VPS54: variants seen among roughly 807,000 people sequenced by gnomAD.
VPS54 encodes vacuolar protein sorting-associated protein 54.
A neutral mutation model predicts 121.5 loss-of-function variants in VPS54; 45 were observed. That is an observed-to-expected ratio of 0.37 (90% confidence interval 0.29 to 0.47). VPS54 has a LOEUF of 0.47. Ranked by LOEUF, VPS54 falls within the 20% of genes least tolerant of loss-of-function variation. The probability of loss-of-function intolerance (pLI) is 0.99; values close to 1 mark genes in which losing one functional copy is unlikely to be tolerated. For missense variants in VPS54, 1,090 were observed against 1,131.4 expected, an observed-to-expected ratio of 0.96 and a Z score of 0.52; for synonymous variants, 371 against 385.8, an observed-to-expected ratio of 0.96 and a Z score of 0.45.
intron 1 of VPS54, among the ~76,000 whole-genome samples, chr2:64,010,744 A>G (rs1048728444): frequency 2.6e-5 from 4 of 151,910 alleles, no homozygotes; most frequent in Non-Finnish European, 4.4e-5. Context: ...TGCGTATCAC[A>G]TATTATTGCT....
chr2:63,980,115 C>T (rs1187548182), intron 3 of VPS54, among the ~76,000 whole-genome samples: 1 of 152,152 alleles, frequency 6.6e-6, no homozygotes, highest in African/African-American at 2.4e-5. Flanking sequence ...GCTTCTGCTT[C>T]ACATGTTTTG....
In VPS54 at chr2:63,980,833, T is replaced by C. The variant is rs77908501; in HGVS notation, c.378+813A>G. Among the ~76,000 whole-genome samples the C allele has an allele frequency of 4.1e-3, 625 of 152,124 alleles. 6 individuals are homozygous for C. The highest frequency in any genetic ancestry group is 0.014 in the African/African-American group (574 of 41,540). On this transcript the variant is annotated intron_variant, in intron 3 of 22. Coordinates refer to ENST00000272322, the MANE Select transcript of VPS54 (RefSeq NM_016516.3). ...TAGATCTGATCATTGAAAACAGTTT[T>C]TGTGTTGTTTTCAATGATCAGATCT...
At chr2:63,933,551 T>C (rs1394900608) in intron 12 of VPS54, 122 bp downstream of exon 12, 2 of 830,554 alleles carry the variant, frequency 2.4e-6, no homozygotes, top group Non-Finnish European at 3.6e-6. Context: ...ATAAAATTAA[T>C]ATATTTTTGT....
At chr2:63,984,857 G>C (rs1384393379) in intron 1 of VPS54, among the ~76,000 whole-genome samples, 3 of 152,158 alleles carry the variant, frequency 2.0e-5, no homozygotes, top group Non-Finnish European at 4.4e-5. Context: ...TAAAGAACAT[G>C]CATTGTTTTA....
chr2:63,979,141 T>TC (rs70965157), intron 3 of VPS54, among the ~76,000 whole-genome samples: 26,715 of 152,104 alleles, frequency 0.18, 3,155 homozygotes, highest in Non-Finnish European at 0.24. Context: ...CAAAGGCTTA[T>TC]CGAGTTTATC....
chr2:63,977,956 C>T (rs1431475173), intron 3 of VPS54, among the ~76,000 whole-genome samples: 1 of 152,248 alleles, frequency 6.6e-6, no homozygotes, highest in Non-Finnish European at 1.5e-5. Context: ...GGTTTCCCTG[C>T]AGACCTCTTA....
intron 5 of VPS54, among the ~76,000 whole-genome samples, chr2:63,968,276 C>A (rs1676104545): frequency 6.6e-6 from 1 of 151,470 alleles, no homozygotes; most frequent in South Asian, 2.1e-4. Flanking sequence ...GAATGATCAG[C>A]AAAATTTTTT....
intron 12 of VPS54, among the ~76,000 whole-genome samples, chr2:63,931,304 G>A (rs1044844345): frequency 2.6e-5 from 4 of 152,076 alleles, no homozygotes; most frequent in African/African-American, 9.7e-5. Flanking sequence ...TACCAAAACA[G>A]ATATATAGAC....
intron 20 of VPS54, among the ~76,000 whole-genome samples, chr2:63,902,259 G>C (rs930193823): frequency 6.6e-6 from 1 of 152,122 alleles, no homozygotes; most frequent in Non-Finnish European, 1.5e-5. Context: ...GAGATGTACA[G>C]AGATGACTAA....
chr2:63,908,803 T>C lies in VPS54; in HGVS notation c.2625+3542A>G, dbSNP rs182220478. ...ATCTCATTAATACAACTGTATGAAGTAGGCTCCACTATTATCCTCTTTAGA... is the reference window on the plus strand; with the variant it reads ...ATCTCATTAATACAACTGTATGAAGCAGGCTCCACTATTATCCTCTTTAGA... On this transcript the variant is annotated intron_variant, in intron 20 of 22. Transcript: ENST00000272322. Among the ~76,000 whole-genome samples the C allele has an allele frequency of 1.7e-4, 26 of 152,338 alleles. 1 individual carries two copies. In the East Asian group the frequency reaches 3.3e-3, roughly 19 times the overall value.
intron 12 of VPS54, among the ~76,000 whole-genome samples, chr2:63,921,688 C>T (rs1304651448): frequency 6.6e-6 from 1 of 152,082 alleles, no homozygotes; most frequent in Non-Finnish European, 1.5e-5. Context: ...CTACAATGCC[C>T]AGGGTGGTCT....
At chr2:63,900,736 T>G (rs1017294602) in intron 20 of VPS54, among the ~76,000 whole-genome samples, 36 of 151,672 alleles carry the variant, frequency 2.4e-4, no homozygotes, top group African/African-American at 8.5e-4. Flanking sequence ...GGACAGGCCA[T>G]ATCATCTCAA....
intron 15 of VPS54, among the ~76,000 whole-genome samples, chr2:63,917,391 T>A (rs1673433761): frequency 6.6e-6 from 1 of 152,130 alleles, no homozygotes; most frequent in African/African-American, 2.4e-5. Flanking sequence ...AAATTGGTTG[T>A]CTTTACTATT....
chr2:63,938,826 T>C (rs1186719281), intron 11 of VPS54, among the ~76,000 whole-genome samples: 1 of 152,210 alleles, frequency 6.6e-6, no homozygotes, highest in Non-Finnish European at 1.5e-5. Flanking sequence ...GTTCTGTGGA[T>C]GGATGTTTGT....
intron 21 of VPS54, among the ~76,000 whole-genome samples, chr2:63,898,196 G>A (rs908405503): frequency 2.0e-5 from 3 of 152,010 alleles, no homozygotes; most frequent in African/African-American, 4.8e-5. Context: ...TTTAAATTAC[G>A]CCACAGATAA....
At chr2:63,991,443 C>T (rs1390113209) in intron 1 of VPS54, among the ~76,000 whole-genome samples, 5 of 152,190 alleles carry the variant, frequency 3.3e-5, no homozygotes, top group African/African-American at 9.7e-5. Context: ...GGATCAGACA[C>T]CCACAAAGCT....
chr2:63,993,635 C>T (rs1475683914), intron 1 of VPS54, among the ~76,000 whole-genome samples: 3 of 152,192 alleles, frequency 2.0e-5, no homozygotes, highest in East Asian at 1.9e-4. Context: ...TCCTTTAAAT[C>T]GGCTCGAAGT....
At chr2:64,005,228 C>G (rs905753757) in intron 1 of VPS54, among the ~76,000 whole-genome samples, 1 of 149,012 alleles carries the variant, frequency 6.7e-6, no homozygotes, top group African/African-American at 2.5e-5. Flanking sequence ...CTCAGCCTCC[C>G]GAGTAGCTGG....
intron 3 of VPS54, among the ~76,000 whole-genome samples, chr2:63,980,490 T>C (rs1676757715): frequency 6.6e-6 from 1 of 152,200 alleles, no homozygotes; most frequent in Non-Finnish European, 1.5e-5. Context: ...TTTTATGTCC[T>C]ATCCATTCTT....
Sources: allele counts gnomAD v4.1 joint callset (sites outside exome capture counted in the v4.1 genomes callset), GRCh38; gene constraint gnomAD v4.1.1; transcripts MANE v1.5; gene names NCBI Gene and HGNC (gene_info 2026-07-23, HGNC 2026-07-21).